Variants in CSMD1 observed in about 807,000 individuals in gnomAD.
The protein encoded by CSMD1 is CUB and sushi domain-containing protein 1.
CSMD1 carries 213 observed loss-of-function variants against 417.5 expected under a neutral mutation model. That is an observed-to-expected ratio of 0.51 (90% CI 0.46 to 0.57). CSMD1 has a LOEUF of 0.57. Among genes scored for constraint, CSMD1 ranks in the 20% least tolerant of loss-of-function variants. The pLI is 0.00. For missense variants in CSMD1, 6,923 were observed against 4,529.7 expected (o/e 1.53, Z -15.17); for synonymous variants, 2,862 against 1,736.8 (o/e 1.65, Z -16.11).
At chr8:4,187,782 A>C (rs1798772949) in intron 3 of CSMD1, among the ~76,000 whole-genome samples, 1 of 152,096 alleles carries the variant, frequency 6.6e-6, no homozygotes, top group South Asian at 2.1e-4. Flanking sequence ...ACCATATAGT[A>C]AAATAGGCAG....
intron 3 of CSMD1, among the ~76,000 whole-genome samples, chr8:4,106,661 A>T (rs571228023): frequency 6.6e-6 from 1 of 152,214 alleles, no homozygotes; most frequent in East Asian, 1.9e-4. Context: ...TTCACTATAA[A>T]AACAGTAAAA....
intron 2 of CSMD1, among the ~76,000 whole-genome samples, chr8:4,477,302 C>T (rs999749590): frequency 1.3e-5 from 2 of 152,214 alleles, no homozygotes; most frequent in East Asian, 1.9e-4. Flanking sequence ...TGGTCCTCAC[C>T]GTGGGGAAGC....
At chr8:3,961,883 T>C (rs899865042) in intron 5 of CSMD1, among the ~76,000 whole-genome samples, 2 of 152,214 alleles carry the variant, frequency 1.3e-5, no homozygotes, top group Non-Finnish European at 1.5e-5. Context: ...CAGCGCATCC[T>C]GCCTTACGAC....
chr8:3,733,303 T>A (rs1289653936), intron 6 of CSMD1, among the ~76,000 whole-genome samples: 2 of 147,686 alleles, frequency 1.4e-5, no homozygotes, highest in African/African-American at 2.5e-5. Flanking sequence ...TATGAATATA[T>A]ATACACATAC....
intron 1 of CSMD1, among the ~76,000 whole-genome samples, chr8:4,969,829 G>C (rs563342387): frequency 6.6e-6 from 1 of 152,172 alleles, no homozygotes; most frequent in African/African-American, 2.4e-5. Context: ...TCAGGCAGTA[G>C]TGAATTTTCT....
intron 3 of CSMD1, among the ~76,000 whole-genome samples, chr8:4,381,891 A>G (rs1394968509): frequency 6.6e-6 from 1 of 152,024 alleles, no homozygotes; most frequent in Non-Finnish European, 1.5e-5. Context: ...GTTCCCTGCT[A>G]TACAGTGATC....
chr8:4,348,842 G>T (rs957746720), intron 3 of CSMD1, among the ~76,000 whole-genome samples: 1 of 152,094 alleles, frequency 6.6e-6, no homozygotes, highest in Non-Finnish European at 1.5e-5. Context: ...AAGCTTTTAA[G>T]GTACGAACAT....
intron 2 of CSMD1, among the ~76,000 whole-genome samples, chr8:4,632,856 G>C (rs778681835): frequency 6.6e-6 from 1 of 152,140 alleles, no homozygotes; most frequent in Admixed American, 6.5e-5. Flanking sequence ...TAGAGGGAGA[G>C]GCCGGGAATA....
intron 1 of CSMD1, among the ~76,000 whole-genome samples, chr8:4,772,764 C>A (rs1006159374): frequency 6.6e-6 from 1 of 152,152 alleles, no homozygotes; most frequent in Non-Finnish European, 1.5e-5. Context: ...AACCTCTTGG[C>A]TAACAGATCA....
intron 37 of CSMD1, among the ~76,000 whole-genome samples, chr8:3,176,923 T>C (rs1270589033): frequency 6.6e-6 from 1 of 151,722 alleles, no homozygotes; most frequent in East Asian, 1.9e-4. Flanking sequence ...GGACTACAGG[T>C]GAGGCCACCA....
At chr8:4,181,601 A>G (rs971235684) in intron 3 of CSMD1, among the ~76,000 whole-genome samples, 5 of 152,336 alleles carry the variant, frequency 3.3e-5, no homozygotes, top group East Asian at 1.9e-4. Context: ...AAAGCTTGCT[A>G]TAAGGCTTAA....
chr8:4,443,955 T>C (rs1214426999), intron 2 of CSMD1, among the ~76,000 whole-genome samples: 1 of 152,172 alleles, frequency 6.6e-6, no homozygotes, highest in African/African-American at 2.4e-5. Context: ...TCGTGTGTGA[T>C]ATAATTACCT....
At chr8:4,237,494 C>T (rs954937208) in intron 3 of CSMD1, among the ~76,000 whole-genome samples, 17 of 151,588 alleles carry the variant, frequency 1.1e-4, no homozygotes, top group African/African-American at 3.9e-4. Flanking sequence ...GCTAAACGGT[C>T]TTCACTCTTG....
At chr8:3,259,774 A>G (rs1800919489) in intron 26 of CSMD1, among the ~76,000 whole-genome samples, 3 of 152,240 alleles carry the variant, frequency 2.0e-5, no homozygotes. Flanking sequence ...CAAACTGTAT[A>G]CTGGAAATCA....
rs1332946109 is a variant in CSMD1 at position 2,952,441 on chromosome 8, G to C, written c.10040-1166C>G. ...GCCTAGCAAGAGAAGGGTTAAAGAG[G>C]AACAGAAGATAATAGCTTCCTTTGG... is the stretch of plus-strand genomic sequence containing the variant. On this transcript the variant is annotated intron_variant, in intron 65 of 69. Transcript: ENST00000635120. Among the ~76,000 whole-genome samples the C allele has an allele frequency of 2.0e-5, 3 of 152,228 alleles. No homozygotes were observed. The East Asian group carries it at 5.8e-4, about 29-fold the overall frequency.
chr8:3,727,512 G>A (rs1295354565), intron 6 of CSMD1, among the ~76,000 whole-genome samples: 2 of 152,204 alleles, frequency 1.3e-5, no homozygotes, highest in African/African-American at 4.8e-5. Flanking sequence ...TGCACTGCTG[G>A]TGTGAATGTA....
At chr8:4,583,130 T>G (rs1335490581) in intron 2 of CSMD1, among the ~76,000 whole-genome samples, 1 of 152,144 alleles carries the variant, frequency 6.6e-6, no homozygotes, top group Non-Finnish European at 1.5e-5. Context: ...TGGGCTCCTG[T>G]GCGGCCCAAG....
chr8:3,470,811 A>C (rs1419699134), intron 11 of CSMD1, among the ~76,000 whole-genome samples: 1 of 152,148 alleles, frequency 6.6e-6, no homozygotes, highest in African/African-American at 2.4e-5. Context: ...ACTTAGCTTA[A>C]TTCCTGGAAG....
At chr8:4,465,100 G>C (rs1296544020) in intron 2 of CSMD1, among the ~76,000 whole-genome samples, 2 of 152,104 alleles carry the variant, frequency 1.3e-5, no homozygotes, top group Admixed American at 6.6e-5. Flanking sequence ...TTTTCACTGG[G>C]AGACACTAAC....
Sources: allele counts gnomAD v4.1 joint callset (sites outside exome capture counted in the v4.1 genomes callset), GRCh38; gene constraint gnomAD v4.1.1; transcripts MANE v1.5; gene names NCBI Gene and HGNC (gene_info 2026-07-23, HGNC 2026-07-21).